Variants in SUSD4 observed in about 807,000 individuals in gnomAD.
SUSD4 encodes the protein sushi domain containing 4, also known as sushi domain-containing protein 4.
SUSD4 carries 41 observed loss-of-function variants against 50.5 expected under a neutral mutation model. The ratio of observed to expected loss-of-function variants is 0.81; its 90% CI spans 0.63 to 1.05. SUSD4 has a LOEUF of 1.05. Ranked by LOEUF, SUSD4 falls within the 50% of genes least tolerant of loss-of-function variation. The pLI, the probability that SUSD4 is intolerant of heterozygous loss-of-function variation, is 0.00. For synonymous variants in SUSD4, 257 were observed against 257.3 expected (o/e 1.00, Z 0.01); for missense variants, 580 against 634.7 (o/e 0.91, Z 0.93).
intron 2 of SUSD4, among the ~76,000 whole-genome samples, chr1:223,334,328 A>C (rs2103280265): frequency 6.6e-6 from 1 of 152,236 alleles, no homozygotes; most frequent in Non-Finnish European, 1.5e-5. Context: ...GCACAGAGAA[A>C]GAAAACTGGA....
chr1:223,251,767 C>T (rs1363415319), intron 5 of SUSD4, among the ~76,000 whole-genome samples: 3 of 152,042 alleles, frequency 2.0e-5, no homozygotes, highest in Non-Finnish European at 4.4e-5. Flanking sequence ...GGTACATACC[C>T]AGTAATGGGA....
intron 5 of SUSD4, among the ~76,000 whole-genome samples, chr1:223,250,792 G>T (rs533643226): frequency 1.3e-5 from 2 of 152,342 alleles, no homozygotes; most frequent in African/African-American, 4.8e-5. Context: ...GCTGGCATAA[G>T]CAGGGTGCGG....
chr1:223,244,145 GCAC>G (rs1660768025), intron 5 of SUSD4, among the ~76,000 whole-genome samples: 1 of 152,154 alleles, frequency 6.6e-6, no homozygotes, highest in Non-Finnish European at 1.5e-5. Flanking sequence ...GAGCTCTCGG[GCAC>G]CACATCTCCC....
At chr1:223,319,204 G>A (rs1259791989) in intron 2 of SUSD4, among the ~76,000 whole-genome samples, 1 of 101,780 alleles carries the variant, frequency 9.8e-6, no homozygotes, top group African/African-American at 3.9e-5. Context: ...AAAAACCCTA[G>A]AAGAAAACCT....
At chr1:223,252,971 G>A (rs1056560980) in intron 5 of SUSD4, among the ~76,000 whole-genome samples, 1 of 152,020 alleles carries the variant, frequency 6.6e-6, no homozygotes. Context: ...GCAGCCTGTA[G>A]TACCAGCTAG....
intron 2 of SUSD4, among the ~76,000 whole-genome samples, chr1:223,308,190 G>A (rs1856933): frequency 0.54 from 81,607 of 151,988 alleles, 21,926 homozygotes; most frequent in African/African-American, 0.58. Context: ...AATCCTCAGT[G>A]TTGGAGGTGG....
intron 2 of SUSD4, among the ~76,000 whole-genome samples, chr1:223,344,505 C>A (rs747367438): frequency 6.6e-6 from 1 of 152,068 alleles, no homozygotes; most frequent in Non-Finnish European, 1.5e-5. Context: ...AAGGGAAGAG[C>A]CACTTTGCAC....
chr1:223,223,774 GCCTCCTTTCAGGGACT>G (rs777654420), intron 7 of SUSD4, 143 bp from the exon 8 acceptor site: 1 of 1,076,262 alleles, frequency 9.3e-7, no homozygotes, highest in Non-Finnish European at 1.3e-6. Context: ...GGAAGAACCA[GCCTCCTTTCAGGGACT>G]CCTCTGGAAG....
At chr1:223,260,738 C>T (rs1662055273) in intron 5 of SUSD4, among the ~76,000 whole-genome samples, 1 of 152,238 alleles carries the variant, frequency 6.6e-6, no homozygotes, top group Non-Finnish European at 1.5e-5. Flanking sequence ...GCTCCAGAAT[C>T]TTCCCACTAT....
At chr1:223,334,422 G>A (rs1667344840) in intron 2 of SUSD4, among the ~76,000 whole-genome samples, 1 of 152,056 alleles carries the variant, frequency 6.6e-6, no homozygotes, top group African/African-American at 2.4e-5. Flanking sequence ...AGAGAAAAAT[G>A]AAGAGAAGGA....
chr1:223,232,694 C>T (rs1323510192), intron 5 of SUSD4, among the ~76,000 whole-genome samples: 2 of 152,170 alleles, frequency 1.3e-5, no homozygotes, highest in Admixed American at 1.3e-4. Flanking sequence ...TACAGATCAA[C>T]CATTTAATCA....
chr1:223,252,819 G>A (rs962604135), intron 5 of SUSD4, among the ~76,000 whole-genome samples: 3 of 151,932 alleles, frequency 2.0e-5, no homozygotes, highest in Non-Finnish European at 4.4e-5. Context: ...AATGCATTAG[G>A]GGCCGGGCGC....
At chr1:223,261,682 T>C (rs1053044537) in intron 5 of SUSD4, among the ~76,000 whole-genome samples, 7 of 152,134 alleles carry the variant, frequency 4.6e-5, no homozygotes, top group Non-Finnish European at 2.9e-5. Flanking sequence ...ATAACCAAAA[T>C]AGCACCTGAA....
At chr1:223,277,445 C>A (rs2138967) in intron 3 of SUSD4, among the ~76,000 whole-genome samples, 1 of 151,944 alleles carries the variant, frequency 6.6e-6, no homozygotes, top group African/African-American at 2.4e-5. Flanking sequence ...TAACCAGGGA[C>A]CCTGGGACAA....
chr1:223,253,562 A>G (rs941313066), intron 5 of SUSD4, among the ~76,000 whole-genome samples: 1 of 152,132 alleles, frequency 6.6e-6, no homozygotes, highest in Non-Finnish European at 1.5e-5. Flanking sequence ...AGAAGGAAGA[A>G]AGGAACAACA....
rs149248466 is a variant in SUSD4, at chr1:223,355,669, C to T, written c.148+7609G>A. Reference sequence around the variant, plus strand: ...AAAAAGGAATATAATGCATGAGTGACCCTCCTTGCTCATCTCCACTTCCAC... The same window carrying T: ...AAAAAGGAATATAATGCATGAGTGATCCTCCTTGCTCATCTCCACTTCCAC... On this transcript the variant is annotated intron_variant, in intron 2 of 8. Transcript: ENST00000366878. Among the ~76,000 whole-genome samples, 213 of 152,274 alleles carry T rather than the reference C, an allele frequency of 1.4e-3. 1 individual carries two copies. The highest frequency in any genetic ancestry group is 4.9e-3 in the African/African-American group (205 of 41,550).
intron 2 of SUSD4, among the ~76,000 whole-genome samples, chr1:223,304,384 T>C (rs749911776): frequency 6.6e-6 from 1 of 152,146 alleles, no homozygotes; most frequent in African/African-American, 2.4e-5. Flanking sequence ...TTTTATTCTG[T>C]AGCAATAGTT....
chr1:223,258,520 TG>T (rs1217110663), intron 5 of SUSD4, among the ~76,000 whole-genome samples: 2 of 144,172 alleles, frequency 1.4e-5, no homozygotes, highest in Non-Finnish European at 3.1e-5. Context: ...TGAATGGGGC[TG>T]GGGGGAGTCA....
intron 2 of SUSD4, among the ~76,000 whole-genome samples, chr1:223,352,805 C>T (rs1668438685): frequency 6.6e-6 from 1 of 152,092 alleles, no homozygotes; most frequent in South Asian, 2.1e-4. Flanking sequence ...AATGCAACTC[C>T]CAGTTCACCC....
Sources: gnomAD v4.1 joint callset for allele counts (sites outside exome capture counted in the v4.1 genomes callset) on GRCh38, gnomAD v4.1.1 for gene constraint, MANE v1.5 for transcripts, NCBI Gene and HGNC (gene_info 2026-07-23, HGNC 2026-07-21) for gene names.